Variants in ZNF207 observed in about 807,000 individuals in gnomAD.
The protein encoded by ZNF207 is BUB3-interacting and GLEBS motif-containing protein ZNF207.
Under a neutral mutation model 60.2 loss-of-function variants are expected in ZNF207, and 24 were observed. The observed-to-expected ratio is 0.40, with a 90% CI of 0.29 to 0.56. ZNF207 has a LOEUF of 0.56. ZNF207 is among the 20% of genes least tolerant of loss of function. The probability of loss-of-function intolerance (pLI) is 0.49; values close to 1 mark genes in which losing one functional copy is unlikely to be tolerated. For missense variants in ZNF207, 452 were observed against 636.6 expected, an observed-to-expected ratio of 0.71 and a Z score of 3.12; for synonymous variants, 236 against 194.7, an observed-to-expected ratio of 1.21 and a Z score of -1.77.
rs571436419 is a variant in ZNF207, at chr17:32,351,323, ATTG to A, written c.42-460_42-458del. 820 of 469,098 alleles carry A rather than the reference ATTG, an allele frequency of 1.7e-3. 7 individuals carry two copies. Among genetic ancestry groups the A allele is most frequent in the African/African-American group, 0.016 (749 of 47,810 alleles). 29.1% of individuals were successfully genotyped at this position (469,098 alleles called of 1,614,324 possible). ...ATTGTTCATTCGAAATTATGTGATT[ATTG>A]TTCACCATATAGTTACTCTTAGATT... On this transcript the variant is annotated intron_variant, in intron 1 of 11. Transcript: ENST00000394670.
chr17:32,356,544 A>G (rs1358920118), intron 2 of ZNF207, among the ~76,000 whole-genome samples: 1 of 152,236 alleles, frequency 6.6e-6, no homozygotes, highest in Admixed American at 6.5e-5. Flanking sequence ...ATTGCTAAGA[A>G]GAAAATACTT....
In ZNF207 at chr17:32,360,926, G is replaced by C. The variant is rs369271693; in HGVS notation, c.510G>C (p.Leu170=). Residue 170 remains leucine, a synonymous_variant, in exon 5 of 12, where the codon CTG becomes CTC. Coordinates refer to ENST00000394670, the MANE Select transcript of ZNF207 (RefSeq NM_001098507.2). ...IPPLMPGVPP[L]MPGMPPVMPG... ...CATTAATGCCAGGTGTTCCTCCTCTGATGCCAGGAATGCCACCAGTTATGC... is the reference window on the plus strand; with the variant it reads ...CATTAATGCCAGGTGTTCCTCCTCTCATGCCAGGAATGCCACCAGTTATGC... 16 of 1,613,778 alleles carry C rather than the reference G, an allele frequency of 9.9e-6. No homozygotes were observed. In the African/African-American group the frequency reaches 1.7e-4, roughly 18 times the overall value.
Position 32,373,652 on chromosome 17 carries a change from A to T in ZNF207, c.*3893A>T, listed in dbSNP as rs1905558227. ...TGGTGTTAATAAACATAAGTATTTC[A>T]TATGCAATTTTATGTAATTTGCTGT... is the stretch of plus-strand genomic sequence containing the variant. On this transcript the variant is annotated 3_prime_UTR_variant, in exon 12 of 12. Transcript: ENST00000394670. 2.6e-6 allele frequency: 1 copy of T among 379,700 alleles called. No homozygotes were observed. The highest frequency in any genetic ancestry group is 1.4e-4 in the South Asian group (1 of 6,990). The allele number at this position is 379,700 out of a possible 1,614,324, so 23.5% of individuals were successfully genotyped here. A position where few individuals can be genotyped will look rare whatever the true frequency, so the allele number is the denominator to read the frequency against.
Position 32,365,402 on chromosome 17 carries a change from T to A in ZNF207, c.743T>A (p.Ile248Asn), listed in dbSNP as rs1905113230. Residue 248 changes from isoleucine (I) to asparagine (N), a missense_variant, in exon 8 of 12, where the codon ATT (isoleucine) becomes AAT (asparagine). This residue lies in a region of ZNF207 where 390 missense variants were observed against 461.4 expected (regional missense o/e 0.85). Transcript: ENST00000394670. ...TQAQAVSAPGILNRPPAPTAT... is the reference protein window; with the variant it reads ...TQAQAVSAPGNLNRPPAPTAT... The stretch of plus-strand genomic sequence containing the variant: ...GCACAGGCTGTTTCAGCGCCAGGTA[T>A]TCTTAATAGACCACCTGCACCAACA... The A allele has an allele frequency of 6.2e-7, 1 of 1,614,010 alleles. No homozygotes were observed. Among genetic ancestry groups the A allele is most frequent in the South Asian group, 1.1e-5 (1 of 91,090 alleles).
chr17:32,369,568 A>G (rs779951324), intron 11 of ZNF207, 31 bp from the exon 12 acceptor site: 18 of 1,564,352 alleles, frequency 1.2e-5, no homozygotes, highest in East Asian at 4.5e-5. Flanking sequence ...TTAACAATCT[A>G]TTTTTTTGTG....
At chr17:32,365,153 A>G (rs1386395288) in intron 7 of ZNF207, among the ~76,000 whole-genome samples, 177 bp from the exon 8 acceptor site, 2 of 152,274 alleles carry the variant, frequency 1.3e-5, no homozygotes, top group Non-Finnish European at 2.9e-5. Flanking sequence ...ATTCTGAAGC[A>G]GTACAAAGGA....
rs796960991 is a variant in ZNF207, at chr17:32,366,824, TAA to T, written c.921+72_921+73del. 3 of 1,375,558 alleles carry T rather than the reference TAA, an allele frequency of 2.2e-6. No homozygotes were observed. In the African/African-American group the frequency reaches 4.5e-5, roughly 21 times the overall value. 85.2% of individuals were successfully genotyped at this position (1,375,558 alleles called of 1,614,324 possible). A position where few individuals can be genotyped will look rare whatever the true frequency, so the allele number is the denominator to read the frequency against. ...ATAACTTAACCCTTTGGACCCTACT[TAA>T]AAAATGAATATTTTTCCAAAAATAT... On this transcript the variant is annotated intron_variant, in intron 9 of 11. Transcript: ENST00000394670.
At chr17:32,356,803 A>G (rs1421259011) in intron 2 of ZNF207, among the ~76,000 whole-genome samples, 2 of 152,218 alleles carry the variant, frequency 1.3e-5, no homozygotes, top group Non-Finnish European at 2.9e-5. Flanking sequence ...AAAGTTACCC[A>G]GATCTGAAGA....
intron 2 of ZNF207, among the ~76,000 whole-genome samples, chr17:32,353,016 A>T (rs896594154): frequency 6.6e-6 from 1 of 152,172 alleles, no homozygotes; most frequent in African/African-American, 2.4e-5. Flanking sequence ...TCTACTAAAG[A>T]TACAAAAATT....
At chr17:32,352,034 C>A in intron 2 of ZNF207, 122 bp downstream of exon 2, 1 of 902,156 alleles carries the variant, frequency 1.1e-6, no homozygotes, top group Non-Finnish European at 1.6e-6. Flanking sequence ...GTGGTGCAAT[C>A]TCGGCCCACT....
intron 2 of ZNF207, among the ~76,000 whole-genome samples, chr17:32,357,348 A>T (rs12949654): frequency 0.2 from 15,478 of 76,680 alleles, 1,627 homozygotes; most frequent in East Asian, 0.41. Flanking sequence ...TATTATTATT[A>T]TTATTTTTTT....
intron 6 of ZNF207, among the ~76,000 whole-genome samples, chr17:32,362,262 C>T (rs1466458180): frequency 6.6e-6 from 1 of 152,028 alleles, no homozygotes; most frequent in Non-Finnish European, 1.5e-5. Context: ...CTCAAGTGAT[C>T]CTCCCACCTC....
chr17:32,354,689 C>T (rs1386653917), intron 2 of ZNF207, among the ~76,000 whole-genome samples: 1 of 152,056 alleles, frequency 6.6e-6, no homozygotes, highest in Non-Finnish European at 1.5e-5. Context: ...TCTCGGCTCA[C>T]CGCAGCCTCT....
chr17:32,358,725 C>G (rs556952709), intron 3 of ZNF207, 84 bp downstream of exon 3: 291 of 1,110,632 alleles, frequency 2.6e-4, no homozygotes, highest in Middle Eastern at 9.5e-4. Context: ...TCTGTCCAGC[C>G]GAGGCTGGAG....
At chr17:32,358,406 C>A in intron 2 of ZNF207, 97 bp from the exon 3 acceptor site, 1 of 1,223,238 alleles carries the variant, frequency 8.2e-7, no homozygotes, top group Non-Finnish European at 1.1e-6. Context: ...TACATGGCCT[C>A]ACTATAGAAC....
At chr17:32,361,201 C>T (rs1041771592) in intron 5 of ZNF207, 3 of 586,402 alleles carry the variant, frequency 5.1e-6, no homozygotes, top group Admixed American at 6.6e-5. Flanking sequence ...ACTTCAATTG[C>T]ATTTACTGTG....
Position 32,378,952 on chromosome 17 carries a change from G to A in ZNF207, c.*9193G>A, listed in dbSNP as rs1441899338. The A allele has an allele frequency of 6.6e-6, 1 of 152,046 alleles. No homozygotes were observed. The highest frequency in any genetic ancestry group is 1.9e-4 in the East Asian group (1 of 5,200). The allele number at this position is 152,046 out of a possible 1,614,324, so 9.4% of individuals were successfully genotyped here. Reference sequence around the variant, plus strand: ...ATCTAGCCATAAAACTAGTAATCTTGAATTCCTCTTGAGCTGGATGGTGAT... The same window carrying A: ...ATCTAGCCATAAAACTAGTAATCTTAAATTCCTCTTGAGCTGGATGGTGAT... On this transcript the variant is annotated 3_prime_UTR_variant, in exon 12 of 12. Coordinates refer to ENST00000394670, the MANE Select transcript of ZNF207 (RefSeq NM_001098507.2).
Position 32,369,438 on chromosome 17 carries a change from C to G in ZNF207, c.1308C>G (p.Pro436=). The change falls in exon 11 of 12, where the codon CCC becomes CCG. Residue 436 remains proline, a synonymous_variant. Transcript: ENST00000394670. Reference sequence around the variant, plus strand: ...TCCCACAGCAACAAGGAATGAGACCCCCAATGCCACCTCATGGTATTCCTC... The same window carrying G: ...TCCCACAGCAACAAGGAATGAGACCGCCAATGCCACCTCATGGTATTCCTC... The part of the protein sequence containing the change: ...PGIPQQQGMR[P]PMPPHGQYGG... 1 of 1,614,102 alleles carries G rather than the reference C, an allele frequency of 6.2e-7. No homozygotes were observed.
rs114666230 is a variant in ZNF207 at position 32,353,347 on chromosome 17, C to G, written c.168+1435C>G. ...TGAATTTTTGCTAAATTAGACCTTA[C>G]AGAAATATGAGATGAGCAAATACCA... On this transcript the variant is annotated intron_variant, in intron 2 of 11. Transcript: ENST00000394670. Among the ~76,000 whole-genome samples, 1,276 of 152,090 alleles carry G rather than the reference C, an allele frequency of 8.4e-3. 16 individuals are homozygous for G. The highest frequency in any genetic ancestry group is 0.027 in the African/African-American group (1,123 of 41,478).
Sources: gnomAD v4.1 joint callset for allele counts (sites outside exome capture counted in the v4.1 genomes callset) on GRCh38, gnomAD v4.1.1 for gene constraint, gnomAD v4.1.1 regional missense constraint, MANE v1.5 for transcripts, NCBI Gene and HGNC (gene_info 2026-07-23, HGNC 2026-07-21) for gene names.